Variants in ABHD3 observed in about 807,000 individuals in gnomAD.
ABHD3 encodes the protein phospholipase ABHD3.
In ABHD3, 46 loss-of-function variants were observed where a neutral mutation model predicts 48.8. That is an observed-to-expected ratio of 0.94 (90% CI 0.74 to 1.20). The LOEUF (loss-of-function observed/expected upper bound fraction) is 1.20, where lower values mean the gene tolerates loss of function less well. ABHD3 is among the 50% of genes most tolerant of loss of function. The pLI is 0.00. For synonymous variants in ABHD3, 192 were observed against 183.7 expected (o/e 1.04, Z -0.36); for missense variants, 490 against 497.8 (o/e 0.98, Z 0.15).
chr18:21,680,237 A>T (rs766412400), intron 4 of ABHD3, among the ~76,000 whole-genome samples: 1 of 151,738 alleles, frequency 6.6e-6, no homozygotes, highest in Non-Finnish European at 1.5e-5. Flanking sequence ...GTTGATCTCG[A>T]ACTCCTGGCC....
intron 8 of ABHD3, among the ~76,000 whole-genome samples, chr18:21,655,430 GCACATGCCACCATGCCCAGCTAA>G (rs1250537928): frequency 6.6e-6 from 1 of 151,924 alleles, no homozygotes; most frequent in Non-Finnish European, 1.5e-5. Context: ...GGGATTACAG[GCACATGCCACCATGCCCAGCTAA>G]TTTTTGTATT....
At chr18:21,659,671 T>G (rs3889669) in intron 5 of ABHD3, among the ~76,000 whole-genome samples, 75,906 of 151,154 alleles carry the variant, frequency 0.5, 21,705 homozygotes, top group African/African-American at 0.79. Context: ...TTTTTTTTTT[T>G]TGTGTGTGTG....
chr18:21,665,700 T>C (rs1236165965), intron 4 of ABHD3, among the ~76,000 whole-genome samples: 1 of 151,498 alleles, frequency 6.6e-6, no homozygotes, highest in African/African-American at 2.4e-5. Flanking sequence ...TAGTCCCAGC[T>C]ACTCAGGAGG....
rs551603791 is a variant in ABHD3 at position 21,667,530 on chromosome 18, C to T, written c.556-3300G>A. 6.6e-4 allele frequency among the ~76,000 whole-genome samples: 100 copies of T among 152,146 alleles called. 1 individual carries two copies. Among genetic ancestry groups the T allele is most frequent in the Non-Finnish European group, 2.5e-4 (17 of 68,004 alleles). On this transcript the variant is annotated intron_variant, in intron 4 of 8. Coordinates refer to ENST00000289119, the MANE Select transcript of ABHD3 (RefSeq NM_138340.5). ...TGCTGGGATTACAGGCGTGAATCAC[C>T]GCGCCCAGCCGAAAATTATAATTTT...
intron 3 of ABHD3, among the ~76,000 whole-genome samples, chr18:21,693,868 G>A (rs538904011): frequency 6.6e-6 from 1 of 152,276 alleles, no homozygotes; most frequent in Non-Finnish European, 1.5e-5. Flanking sequence ...TTTTAGATGA[G>A]GGAAAGCGTG....
intron 3 of ABHD3, among the ~76,000 whole-genome samples, chr18:21,693,909 C>T (rs910257513): frequency 2.0e-5 from 3 of 152,050 alleles, no homozygotes; most frequent in Admixed American, 6.6e-5. Flanking sequence ...TTTGCTGTCT[C>T]GTTTTCCTTA....
chr18:21,683,650 T>C (rs1345705638), intron 4 of ABHD3: 1 of 296,518 alleles, frequency 3.4e-6, no homozygotes, highest in Non-Finnish European at 7.0e-6. Flanking sequence ...AGTTACAAAA[T>C]AGAATCTTAA....
At chr18:21,670,822 C>G (rs1026696728) in intron 4 of ABHD3, among the ~76,000 whole-genome samples, 1 of 152,166 alleles carries the variant, frequency 6.6e-6, no homozygotes, top group African/African-American at 2.4e-5. Context: ...CGAGACCAGT[C>G]TGAACAACAT....
At chr18:21,670,637 C>T (rs1476348551) in intron 4 of ABHD3, among the ~76,000 whole-genome samples, 8 of 152,148 alleles carry the variant, frequency 5.3e-5, no homozygotes, top group Admixed American at 4.6e-4. Flanking sequence ...TGCTAGGCCC[C>T]TTAATATCCT....
chr18:21,680,733 C>G (rs188105874), intron 4 of ABHD3, among the ~76,000 whole-genome samples: 1 of 152,128 alleles, frequency 6.6e-6, no homozygotes, highest in Non-Finnish European at 1.5e-5. Context: ...GGTTGCTGTA[C>G]TATTTCAAAG....
intron 8 of ABHD3, 78 bp from the exon 9 acceptor site, chr18:21,651,841 A>G: frequency 7.7e-7 from 1 of 1,305,806 alleles, no homozygotes; most frequent in Non-Finnish European, 1.0e-6. Flanking sequence ...TTGTCAGGAA[A>G]AGCATATACC....
intron 8 of ABHD3, among the ~76,000 whole-genome samples, chr18:21,653,337 C>T (rs1191751172): frequency 1.3e-5 from 2 of 149,874 alleles, no homozygotes; most frequent in East Asian, 2.1e-4. Context: ...TTAGTAGAGA[C>T]GGGGTTTCAC....
At chr18:21,686,747 C>T (rs1020538807) in intron 3 of ABHD3, among the ~76,000 whole-genome samples, 4 of 152,122 alleles carry the variant, frequency 2.6e-5, no homozygotes, top group South Asian at 4.1e-4. Flanking sequence ...TTACAGAGGA[C>T]GGCAGAAAGA....
chr18:21,668,502 G>C (rs2039688602), intron 4 of ABHD3, among the ~76,000 whole-genome samples: 1 of 152,064 alleles, frequency 6.6e-6, no homozygotes, highest in Non-Finnish European at 1.5e-5. Context: ...AAAATTGCTA[G>C]GATCACAGAA....
chr18:21,663,460 A>C (rs965282710), intron 5 of ABHD3, among the ~76,000 whole-genome samples: 1 of 151,748 alleles, frequency 6.6e-6, no homozygotes, highest in Non-Finnish European at 1.5e-5. Context: ...TCACTAGAAC[A>C]ACCAAAAAAA....
chr18:21,665,406 A>AT (rs1276781550), intron 4 of ABHD3, among the ~76,000 whole-genome samples: 1 of 151,826 alleles, frequency 6.6e-6, no homozygotes, highest in African/African-American at 2.4e-5. Context: ...TGCCTGGCAA[A>AT]TTTTTTATTT....
chr18:21,666,981 C>T (rs1196413895), intron 4 of ABHD3, among the ~76,000 whole-genome samples: 1 of 152,096 alleles, frequency 6.6e-6, no homozygotes, highest in Non-Finnish European at 1.5e-5. Flanking sequence ...GTTATCTACA[C>T]CACCCAATTT....
chr18:21,651,597 G>T lies in ABHD3; in HGVS notation c.1224C>A (p.Leu408=). The T allele has an allele frequency of 6.2e-7, 1 of 1,614,010 alleles. No individual in the cohort carries two copies. The highest frequency in any genetic ancestry group is 8.5e-7 in the Non-Finnish European group (1 of 1,179,968). ...GCACCCAAAGAACTACATGTTAAGA[G>T]AGTTCATGTCCATGCTCAACCATGG... The part of the protein sequence containing the change: ...VQAMVEHGHE[L]S The change falls in exon 9 of 9, where the codon CTC becomes CTA. Residue 408 remains leucine (L), a synonymous_variant. Transcript: ENST00000289119.
At chr18:21,653,338 G>A (rs964049334) in intron 8 of ABHD3, among the ~76,000 whole-genome samples, 10 of 151,686 alleles carry the variant, frequency 6.6e-5, no homozygotes, top group Admixed American at 3.9e-4. Context: ...TAGTAGAGAC[G>A]GGGTTTCACA....
Sources: gnomAD v4.1 joint callset for allele counts (sites outside exome capture counted in the v4.1 genomes callset) on GRCh38, gnomAD v4.1.1 for gene constraint, MANE v1.5 for transcripts, NCBI Gene and HGNC (gene_info 2026-07-23, HGNC 2026-07-21) for gene names.